The following KCNIP1 variants were observed in gnomAD, a reference collection of about 807,000 sequenced individuals.
KCNIP1 encodes the protein A-type potassium channel modulatory protein KCNIP1.
A neutral mutation model predicts 33.0 loss-of-function variants in KCNIP1; 18 were observed. That is an observed-to-expected ratio of 0.55 (90% confidence interval 0.38 to 0.81). The LOEUF (loss-of-function observed/expected upper bound fraction) is 0.81, where lower values mean the gene tolerates loss of function less well. Among genes scored for constraint, KCNIP1 ranks in the 30% least tolerant of loss-of-function variants. The pLI, the probability that KCNIP1 is intolerant of heterozygous loss-of-function variation, is 0.00. For synonymous variants in KCNIP1, 93 were observed against 98.3 expected, an observed-to-expected ratio of 0.95 and a Z score of 0.32; for missense variants, 238 against 271.6, an observed-to-expected ratio of 0.88 and a Z score of 0.87.
At chr5:170,608,798 G>A (rs1321626584) in intron 1 of KCNIP1, among the ~76,000 whole-genome samples, 5 of 151,926 alleles carry the variant, frequency 3.3e-5, no homozygotes, top group African/African-American at 4.8e-5. Context: ...CAAAATTAGT[G>A]TGGGAAAACC....
intron 1 of KCNIP1, among the ~76,000 whole-genome samples, chr5:170,456,297 C>T (rs906188756): frequency 2.0e-4 from 31 of 151,790 alleles, no homozygotes; most frequent in African/African-American, 6.3e-4. Context: ...CATCACACAC[C>T]GGGGCCTGTC....
chr5:170,431,643 G>T (rs1459931719), intron 1 of KCNIP1, among the ~76,000 whole-genome samples: 2 of 152,190 alleles, frequency 1.3e-5, no homozygotes, highest in African/African-American at 4.8e-5. Context: ...CAGAGAGAAG[G>T]CCTCCTCATT....
rs116798086 is a variant in KCNIP1, at chr5:170,608,032, A to G, written c.61+103399A>G. 3.1e-3 allele frequency among the ~76,000 whole-genome samples: 471 copies of G among 152,314 alleles called. 2 individuals are homozygous for G. The highest frequency in any genetic ancestry group is 0.011 in the African/African-American group (449 of 41,566). ...AGACATTTATTCTCTCACTGCCCTG[A>G]AGGCTAGAAGGTCCAGATCAAGGAG... is the stretch of plus-strand genomic sequence containing the variant. On this transcript the variant is annotated intron_variant, in intron 1 of 7. Transcript: ENST00000328939.
intron 1 of KCNIP1, among the ~76,000 whole-genome samples, chr5:170,716,603 G>C (rs1298373783): frequency 6.6e-6 from 1 of 152,224 alleles, no homozygotes; most frequent in Non-Finnish European, 1.5e-5. Flanking sequence ...TCTGTTTGAT[G>C]TAGAAGTTGA....
intron 1 of KCNIP1, among the ~76,000 whole-genome samples, chr5:170,578,632 C>A (rs1274460317): frequency 6.6e-6 from 1 of 152,198 alleles, no homozygotes; most frequent in Middle Eastern, 3.4e-3. Context: ...AGGCTACATT[C>A]CAGGCGATAA....
intron 1 of KCNIP1, among the ~76,000 whole-genome samples, chr5:170,357,041 C>T (rs1441607156): frequency 1.3e-5 from 2 of 152,070 alleles, no homozygotes; most frequent in African/African-American, 2.4e-5. Flanking sequence ...GGTGGGCAGG[C>T]TTCTGGCATC....
chr5:170,564,882 T>TC (rs1382646805), intron 1 of KCNIP1, among the ~76,000 whole-genome samples: 20 of 152,178 alleles, frequency 1.3e-4, no homozygotes, highest in Non-Finnish European at 1.0e-4. Context: ...ACTTTTTTTT[T>TC]CATTTGCCAT....
chr5:170,622,344 G>A (rs894991020), intron 1 of KCNIP1, among the ~76,000 whole-genome samples: 13 of 152,110 alleles, frequency 8.5e-5, no homozygotes, highest in South Asian at 4.1e-4. Flanking sequence ...GATACAGGCC[G>A]GGGCCAGTAG....
intron 1 of KCNIP1, among the ~76,000 whole-genome samples, chr5:170,629,136 C>A (rs1390541167): frequency 6.6e-6 from 1 of 152,184 alleles, no homozygotes; most frequent in South Asian, 2.1e-4. Flanking sequence ...ACATACGCAT[C>A]GATCTCATGC....
intron 1 of KCNIP1, among the ~76,000 whole-genome samples, chr5:170,546,594 G>A (rs1271775539): frequency 6.6e-6 from 1 of 152,172 alleles, no homozygotes; most frequent in Non-Finnish European, 1.5e-5. Flanking sequence ...AAAACTGTCA[G>A]GAGTTATCAG....
intron 1 of KCNIP1, among the ~76,000 whole-genome samples, chr5:170,445,738 C>A (rs993358299): frequency 6.6e-6 from 1 of 152,198 alleles, no homozygotes; most frequent in South Asian, 2.1e-4. Context: ...TTCTCACTAT[C>A]CCCCGCTCCC....
At chr5:170,720,484 C>A in intron 3 of KCNIP1, 94 bp downstream of exon 3, 1 of 998,776 alleles carries the variant, frequency 1.0e-6, no homozygotes, top group Non-Finnish European at 1.6e-6. Flanking sequence ...CATTTGCTTC[C>A]TTCTCGAGGA....
intron 1 of KCNIP1, among the ~76,000 whole-genome samples, chr5:170,373,232 T>A (rs923134989): frequency 2.0e-5 from 3 of 152,192 alleles, no homozygotes; most frequent in Non-Finnish European, 4.4e-5. Flanking sequence ...AACTGACTCA[T>A]CTGGGGGACA....
At chr5:170,414,550 C>T (rs753303062) in intron 1 of KCNIP1, among the ~76,000 whole-genome samples, 1 of 152,206 alleles carries the variant, frequency 6.6e-6, no homozygotes, top group African/African-American at 2.4e-5. Context: ...CTTTTTCCAC[C>T]ACGTGGCTGC....
chr5:170,678,406 C>T (rs1186572263), intron 1 of KCNIP1: 2 of 152,216 alleles, frequency 1.3e-5, no homozygotes, highest in East Asian at 1.9e-4. Flanking sequence ...AGGTGACTCA[C>T]CTGAGACACA....
intron 1 of KCNIP1, among the ~76,000 whole-genome samples, chr5:170,369,874 A>G (rs942073842): frequency 1.2e-4 from 18 of 152,216 alleles, no homozygotes; most frequent in Admixed American, 1.1e-3. Flanking sequence ...GCCTATTATT[A>G]TCACGGGTCA....
intron 1 of KCNIP1, among the ~76,000 whole-genome samples, chr5:170,674,168 GA>G: frequency 1.2e-5 from 1 of 83,650 alleles, no homozygotes; most frequent in South Asian, 6.4e-4. Context: ...AGGAAGGAAG[GA>G]AGGAAGGAAG....
chr5:170,721,421 C>T (rs1003424515), intron 3 of KCNIP1, among the ~76,000 whole-genome samples: 5 of 152,154 alleles, frequency 3.3e-5, no homozygotes, highest in Admixed American at 1.3e-4. Context: ...TCAGAGAGGT[C>T]GTGCTTGATG....
chr5:170,403,726 G>C (rs1458118288), intron 1 of KCNIP1, among the ~76,000 whole-genome samples: 2 of 152,194 alleles, frequency 1.3e-5, no homozygotes, highest in Non-Finnish European at 2.9e-5. Context: ...CATAGCAGGT[G>C]CCCAAGAAAT....
Sources: allele counts gnomAD v4.1 joint callset (sites outside exome capture counted in the v4.1 genomes callset), GRCh38; gene constraint gnomAD v4.1.1; transcripts MANE v1.5; gene names NCBI Gene and HGNC (gene_info 2026-07-23, HGNC 2026-07-21).